Variants in FBXL17 observed in about 807,000 individuals in gnomAD.
FBXL17 encodes F-box and leucine rich repeat protein 17.
Under a neutral mutation model 66.2 loss-of-function variants are expected in FBXL17, and 22 were observed. The ratio of observed to expected loss-of-function variants is 0.33; its 90% CI spans 0.24 to 0.47. The LOEUF (loss-of-function observed/expected upper bound fraction) is 0.47, where lower values mean the gene tolerates loss of function less well. Ranked by LOEUF, FBXL17 falls within the 20% of genes least tolerant of loss-of-function variation. FBXL17 has a pLI of 1.00. For missense variants in FBXL17, 878 were observed against 948.2 expected, an observed-to-expected ratio of 0.93 and a Z score of 0.97; for synonymous variants, 474 against 400.5, an observed-to-expected ratio of 1.18 and a Z score of -2.19.
chr5:108,314,573 T>C (rs1342922843), intron 4 of FBXL17, among the ~76,000 whole-genome samples: 3 of 151,530 alleles, frequency 2.0e-5, no homozygotes, highest in African/African-American at 7.2e-5. Flanking sequence ...TTCCATGTTA[T>C]AAATTTAATT....
intron 5 of FBXL17, among the ~76,000 whole-genome samples, chr5:108,198,689 A>C (rs912283877): frequency 6.6e-6 from 1 of 152,214 alleles, no homozygotes; most frequent in Non-Finnish European, 1.5e-5. Flanking sequence ...TTGTTCTATA[A>C]ACAGTTCCAA....
intron 5 of FBXL17, among the ~76,000 whole-genome samples, chr5:108,193,579 G>A (rs1753558184): frequency 6.6e-6 from 1 of 152,118 alleles, no homozygotes; most frequent in Non-Finnish European, 1.5e-5. Flanking sequence ...TGACTAACTA[G>A]GCTGGAATCT....
At chr5:107,980,061 T>C (rs868845259) in intron 7 of FBXL17, among the ~76,000 whole-genome samples, 1 of 152,200 alleles carries the variant, frequency 6.6e-6, no homozygotes, top group African/African-American at 2.4e-5. Flanking sequence ...CTTGACCACA[T>C]GCGTGAACCT....
At chr5:108,317,559 T>C (rs901677814) in intron 4 of FBXL17, among the ~76,000 whole-genome samples, 17 of 151,418 alleles carry the variant, frequency 1.1e-4, no homozygotes, top group African/African-American at 4.1e-4. Flanking sequence ...TATTTTTGTA[T>C]AAATTAATAA....
intron 7 of FBXL17, among the ~76,000 whole-genome samples, chr5:107,995,014 T>C (rs1356911037): frequency 1.3e-5 from 2 of 152,172 alleles, no homozygotes; most frequent in Non-Finnish European, 2.9e-5. Context: ...GGGGGCATCG[T>C]GGCAATAATA....
intron 4 of FBXL17, among the ~76,000 whole-genome samples, chr5:108,334,117 A>G (rs1238121366): frequency 6.6e-6 from 1 of 152,212 alleles, no homozygotes; most frequent in Non-Finnish European, 1.5e-5. Flanking sequence ...GTACATTTTA[A>G]TATTTTATTC....
rs569571204 is a variant in FBXL17 at position 108,134,216 on chromosome 5, C to A, written c.1745+51901G>T. Among the ~76,000 whole-genome samples, 23 of 152,152 alleles carry A rather than the reference C, an allele frequency of 1.5e-4. 1 individual carries two copies. In the East Asian group the frequency reaches 4.3e-3, roughly 28 times the overall value. ...AAAGGGAAATTATGTGAACAAAAAA[C>A]CCCCAAACTCTTGTATTTCATCTCA... On this transcript the variant is annotated intron_variant, in intron 6 of 8. Coordinates refer to ENST00000542267, the MANE Select transcript of FBXL17 (RefSeq NM_001163315.3).
chr5:108,060,480 A>T (rs1052193030), intron 6 of FBXL17, among the ~76,000 whole-genome samples: 1 of 152,192 alleles, frequency 6.6e-6, no homozygotes, highest in Non-Finnish European at 1.5e-5. Context: ...TACACCAGGC[A>T]AAAAGTGTCA....
At chr5:107,905,057 CTA>C (rs141059143) in intron 7 of FBXL17, among the ~76,000 whole-genome samples, 63 of 145,490 alleles carry the variant, frequency 4.3e-4, no homozygotes, top group South Asian at 6.6e-4. Flanking sequence ...AACTTTTTTG[CTA>C]TATATATATA....
chr5:107,952,085 C>T (rs1288474329), intron 7 of FBXL17, among the ~76,000 whole-genome samples: 2 of 141,222 alleles, frequency 1.4e-5, no homozygotes, highest in Non-Finnish European at 3.0e-5. Flanking sequence ...ACTTGCAGAA[C>T]ATCGACAATA....
chr5:108,207,918 C>T (rs1167708318), intron 5 of FBXL17, among the ~76,000 whole-genome samples: 2 of 151,918 alleles, frequency 1.3e-5, no homozygotes, highest in African/African-American at 4.8e-5. Flanking sequence ...AATAGTTGAA[C>T]AACACTCCTA....
chr5:108,237,038 G>C (rs10074895), intron 4 of FBXL17, among the ~76,000 whole-genome samples: 14,919 of 152,190 alleles, frequency 0.098, 968 homozygotes, highest in Middle Eastern at 0.16. Context: ...AGACAGCAAC[G>C]GTGGGCATTG....
At chr5:108,349,640 C>T (rs1275624779) in intron 3 of FBXL17, among the ~76,000 whole-genome samples, 5 of 151,822 alleles carry the variant, frequency 3.3e-5, no homozygotes, top group African/African-American at 1.2e-4. Context: ...TGCCCGATAT[C>T]TTACACTTAG....
intron 7 of FBXL17, among the ~76,000 whole-genome samples, chr5:107,903,891 T>G (rs534504448): frequency 1.3e-5 from 2 of 152,276 alleles, no homozygotes; most frequent in South Asian, 4.1e-4. Context: ...AGTGCTTTTT[T>G]CTTGAGGCCA....
intron 6 of FBXL17, among the ~76,000 whole-genome samples, chr5:108,150,151 A>G (rs1751713967): frequency 6.6e-6 from 1 of 152,174 alleles, no homozygotes; most frequent in African/African-American, 2.4e-5. Flanking sequence ...AGTATTCAGC[A>G]TGCATCTCCT....
chr5:108,321,685 CA>C (rs1561528195), intron 4 of FBXL17, among the ~76,000 whole-genome samples: 1 of 147,958 alleles, frequency 6.8e-6, no homozygotes, highest in Non-Finnish European at 1.5e-5. Flanking sequence ...AGCCAAAAAA[CA>C]AAAAAGTGGT....
intron 6 of FBXL17, among the ~76,000 whole-genome samples, chr5:108,030,323 C>T (rs991375107): frequency 6.6e-6 from 1 of 152,036 alleles, no homozygotes; most frequent in African/African-American, 2.4e-5. Flanking sequence ...TGATAGAGAC[C>T]ACAGGGAGGA....
At chr5:108,157,956 G>T (rs1158795633) in intron 6 of FBXL17, among the ~76,000 whole-genome samples, 1 of 151,828 alleles carries the variant, frequency 6.6e-6, no homozygotes, top group Non-Finnish European at 1.5e-5. Flanking sequence ...AGAAAAGAGG[G>T]AAAGTTCACA....
chr5:108,181,982 C>T (rs1753022214), intron 6 of FBXL17, among the ~76,000 whole-genome samples: 1 of 151,938 alleles, frequency 6.6e-6, no homozygotes, highest in Non-Finnish European at 1.5e-5. Flanking sequence ...TATGACCTTC[C>T]CCTGAACAAA....
Sources: gnomAD v4.1 joint callset for allele counts (sites outside exome capture counted in the v4.1 genomes callset) on GRCh38, gnomAD v4.1.1 for gene constraint, MANE v1.5 for transcripts, NCBI Gene and HGNC (gene_info 2026-07-23, HGNC 2026-07-21) for gene names.